Variants in COL4A4 observed in about 807,000 individuals in gnomAD.
COL4A4 encodes the protein collagen alpha-4(IV) chain.
Under a neutral mutation model 192.9 loss-of-function variants are expected in COL4A4, and 105 were observed. The ratio of observed to expected loss-of-function variants is 0.54; its 90% CI spans 0.46 to 0.64. The LOEUF (loss-of-function observed/expected upper bound fraction) is 0.64. Ranked by LOEUF, COL4A4 falls within the 30% of genes least tolerant of loss-of-function variation. The probability of loss-of-function intolerance (pLI) is 0.00; values close to 1 mark genes in which losing one functional copy is unlikely to be tolerated. For missense variants in COL4A4, 1,967 were observed against 2,169.3 expected, an observed-to-expected ratio of 0.91 and a Z score of 1.85; for synonymous variants, 762 against 769.9, an observed-to-expected ratio of 0.99 and a Z score of 0.17.
chr2:227,118,692 G>C lies in COL4A4; in HGVS notation c.442C>G (p.Pro148Ala). 6.2e-7 allele frequency: 1 copy of C among 1,614,032 alleles called. No homozygotes were observed. ...MSGHNGSRGD[P>A]GFPGGRGALG... ...GCTCCTCTTCCTCCTGGAAACCCTG[G>C]GTCACCTCTTGAGCCATTGTGGCCA... Residue 148 changes from proline to alanine, a missense_variant, in exon 7 of 48, where the codon CCA (proline) becomes GCA (alanine). Coordinates refer to ENST00000396625, the MANE Select transcript of COL4A4 (RefSeq NM_000092.5).
At chr2:227,135,297 G>A (rs2062742254) in intron 4 of COL4A4, among the ~76,000 whole-genome samples, 1 of 152,128 alleles carries the variant, frequency 6.6e-6, no homozygotes. Context: ...ACCCGAAAAA[G>A]ATCAAGGAGG....
In COL4A4 at chr2:227,022,635, G is replaced by A. The variant is rs1160486853; in HGVS notation, c.4091-462C>T. 6.1e-6 allele frequency: 3 copies of A among 491,844 alleles called. No homozygotes were observed. In the East Asian group the frequency reaches 1.7e-4, roughly 27 times the overall value. The allele number at this position is 491,844 out of a possible 1,614,324, so 30.5% of individuals were successfully genotyped here. ...CTGCAGCCACGTGGGTTTCCATAGT[G>A]TCAGTCACTAACATAGAATTTCAGG... On this transcript the variant is annotated intron_variant, in intron 43 of 47. Transcript: ENST00000396625.
In COL4A4 at chr2:227,140,130, T is replaced by A. The variant is rs751934770; in HGVS notation, c.192+31A>T. ...TTCACAAGTTCTCAAAATTCAGGAATGCTGCCCATGTTGGTCTTTACATCA... is the reference window on the plus strand; with the variant it reads ...TTCACAAGTTCTCAAAATTCAGGAAAGCTGCCCATGTTGGTCTTTACATCA... On this transcript the variant is annotated intron_variant, in intron 4 of 47. Coordinates refer to ENST00000396625, the MANE Select transcript of COL4A4 (RefSeq NM_000092.5). 3.2e-6 allele frequency: 5 copies of A among 1,578,222 alleles called. No individual in the cohort carries two copies. In the East Asian group the frequency reaches 8.9e-5, roughly 28 times the overall value.
Position 227,003,727 on chromosome 2 carries a change from T to C in COL4A4, c.*3598A>G, listed in dbSNP as rs868259029. ...TTTATGCTAGGAAGCTCTTAAATCC[T>C]GAGGGAATACAGATTACAGCATAAG... On this transcript the variant is annotated 3_prime_UTR_variant, in exon 48 of 48. Transcript: ENST00000396625. 17 of 152,224 alleles carry C rather than the reference T, an allele frequency of 1.1e-4. No individual in the cohort carries two copies. The highest frequency in any genetic ancestry group is 2.4e-4 in the African/African-American group (10 of 41,462). 9.4% of individuals were successfully genotyped at this position (152,224 alleles called of 1,614,324 possible).
At position 227,025,811 on chromosome 2, in the gene COL4A4, C is replaced by A. The variant is rs1559438651; in HGVS notation, c.4082-1G>T. The A allele has an allele frequency of 6.2e-7, 1 of 1,613,086 alleles. No homozygotes were observed. Among genetic ancestry groups the A allele is most frequent in the Non-Finnish European group, 8.5e-7 (1 of 1,179,480 alleles). On this transcript the variant is annotated splice_acceptor_variant, in intron 42 of 47. Transcript: ENST00000396625. LOFTEE classifies it high-confidence loss of function. Reference sequence around the variant, plus strand: ...TTATAGCAAAGCTTACCTCTGGGACCTAGAGGGATCCAAAGACAACAAACG... The same window carrying A: ...TTATAGCAAAGCTTACCTCTGGGACATAGAGGGATCCAAAGACAACAAACG...
At chr2:227,041,848 G>GAAAGAAAGAGAGAGAGAGAGAGAGAA (rs1243663359) in intron 37 of COL4A4, among the ~76,000 whole-genome samples, 4 of 38,736 alleles carry the variant, frequency 1.0e-4, no homozygotes, top group Non-Finnish European at 1.9e-4. Context: ...AAGAAAGAAA[G>GAAAGAAAGAGAGAGAGAGAGAGAGAA]AGAAAGAAAG....
At chr2:227,049,235 T>G (rs1973534063) in intron 34 of COL4A4, among the ~76,000 whole-genome samples, 3 of 152,228 alleles carry the variant, frequency 2.0e-5, no homozygotes. Flanking sequence ...CTTTGTTTGT[T>G]TACTTGTTTG....
At chr2:227,080,615 C>T in intron 23 of COL4A4, 66 bp from the exon 24 acceptor site, 1 of 1,389,602 alleles carries the variant, frequency 7.2e-7, no homozygotes, top group Non-Finnish European at 1.0e-6. Flanking sequence ...ATAGAGAGGA[C>T]AAAAAATAAA....
chr2:226,982,434 T>G, the COL4A4 span, among the ~76,000 whole-genome samples: 4 of 152,236 alleles, frequency 2.6e-5, no homozygotes, highest in Non-Finnish European at 5.9e-5. Flanking sequence ...TATATACTAA[T>G]CAGGCTTATG....
chr2:227,085,321 A>G (rs1007376033), intron 22 of COL4A4, among the ~76,000 whole-genome samples: 2 of 152,120 alleles, frequency 1.3e-5, no homozygotes, highest in Non-Finnish European at 2.9e-5. Context: ...TGGGAACGCA[A>G]TAACCTTGTG....
chr2:227,015,350 A>G (rs1204016517), intron 44 of COL4A4, among the ~76,000 whole-genome samples: 1 of 152,240 alleles, frequency 6.6e-6, no homozygotes, highest in Non-Finnish European at 1.5e-5. Flanking sequence ...CAGCAGCAGC[A>G]GCGGCAGCAC....
intron 46 of COL4A4, among the ~76,000 whole-genome samples, chr2:227,009,482 T>A (rs979017102): frequency 6.6e-5 from 10 of 152,034 alleles, no homozygotes; most frequent in Admixed American, 2.6e-4. Context: ...GGCGGGAAGA[T>A]CACCTGAGGT....
the COL4A4 span, among the ~76,000 whole-genome samples, chr2:226,973,686 T>G: frequency 2.0e-5 from 3 of 152,210 alleles, no homozygotes; most frequent in African/African-American, 7.2e-5. Context: ...AGATGTTCAT[T>G]CTTGGAAGCA....
In COL4A4 at chr2:227,094,147, C is replaced by T. The variant is rs746533101; in HGVS notation, c.1347G>A (p.Leu449=). 6.2e-6 allele frequency: 10 copies of T among 1,613,760 alleles called. No homozygotes were observed. The highest frequency in any genetic ancestry group is 8.5e-6 in the Non-Finnish European group (10 of 1,179,822). ...TACCACTTGATCCTGGGAGGCCCTG[C>T]AGGCCTGGTGCTCCAGGCAAGCCAG... is the stretch of plus-strand genomic sequence containing the variant. ...GSPGLPGAPG[L]QGLPGSSVIY... Residue 449 remains leucine (L), a synonymous_variant, in exon 20 of 48, where the codon CTG becomes CTA. Transcript: ENST00000396625.
chr2:227,102,704 T>G, intron 15 of COL4A4, 85 bp downstream of exon 15: 1 of 1,142,372 alleles, frequency 8.8e-7, no homozygotes, highest in Non-Finnish European at 1.3e-6. Flanking sequence ...ACTTTTGAGC[T>G]TGTGGGACTA....
rs181652003 is a variant in COL4A4, at chr2:227,004,363, T to C, written c.*2962A>G. ...CAAAGTCGAAGAGGTGCTGGGAGTG[T>C]CTGCAGAGCTGCACACAGTTCATCA... On this transcript the variant is annotated 3_prime_UTR_variant, in exon 48 of 48. Coordinates refer to ENST00000396625, the MANE Select transcript of COL4A4 (RefSeq NM_000092.5). The C allele has an allele frequency of 2.4e-3, 371 of 152,438 alleles. No homozygotes were observed. The highest frequency in any genetic ancestry group is 3.5e-3 in the Non-Finnish European group (241 of 68,142). 9.4% of individuals were successfully genotyped at this position (152,438 alleles called of 1,614,324 possible). A position where few individuals can be genotyped will look rare whatever the true frequency, so the allele number is the denominator to read the frequency against.
At chr2:227,013,884 G>T (rs1964336934) in intron 44 of COL4A4, among the ~76,000 whole-genome samples, 1 of 152,054 alleles carries the variant, frequency 6.6e-6, no homozygotes, top group African/African-American at 2.4e-5. Flanking sequence ...CCCTACTGAG[G>T]GACCAGCCTT....
chr2:226,993,320 G>A, the COL4A4 span, among the ~76,000 whole-genome samples: 16 of 152,186 alleles, frequency 1.1e-4, no homozygotes, highest in South Asian at 1.4e-3. Context: ...AGGGTGCCAC[G>A]TCGAGCTTGC....
intron 25 of COL4A4, among the ~76,000 whole-genome samples, chr2:227,077,624 G>A (rs537423435): frequency 4.0e-5 from 6 of 151,342 alleles, no homozygotes; most frequent in Admixed American, 1.3e-4. Context: ...TAACAAACCT[G>A]CTCATTCTAC....
Sources: allele counts gnomAD v4.1 joint callset (sites outside exome capture counted in the v4.1 genomes callset), GRCh38; gene constraint gnomAD v4.1.1; transcripts MANE v1.5; gene names NCBI Gene and HGNC (gene_info 2026-07-23, HGNC 2026-07-21).